EGFLAM: variants seen among roughly 807,000 people sequenced by gnomAD.
EGFLAM encodes pikachurin.
A neutral mutation model predicts 113.1 loss-of-function variants in EGFLAM; 79 were observed. The ratio of observed to expected loss-of-function variants is 0.70; its 90% CI spans 0.58 to 0.84. EGFLAM has a LOEUF of 0.84. Ranked by LOEUF, EGFLAM falls within the 40% of genes least tolerant of loss-of-function variation. EGFLAM has a pLI of 0.00. For missense variants in EGFLAM, 1,265 were observed against 1,291.6 expected (o/e 0.98, Z 0.32); for synonymous variants, 504 against 487.6 (o/e 1.03, Z -0.44).
intron 3 of EGFLAM, among the ~76,000 whole-genome samples, chr5:38,339,865 G>A (rs1421832002): frequency 1.3e-5 from 2 of 152,012 alleles, no homozygotes; most frequent in East Asian, 1.9e-4. Flanking sequence ...CTTTTGCTTC[G>A]GCACCCAGCA....
intron 5 of EGFLAM, among the ~76,000 whole-genome samples, chr5:38,359,239 A>C (rs569711460): frequency 6.6e-5 from 10 of 152,340 alleles, no homozygotes; most frequent in African/African-American, 2.4e-4. Context: ...ATCGAGTTGG[A>C]TAAACATGAA....
At chr5:38,407,515 A>T (rs1741328899) in intron 8 of EGFLAM, among the ~76,000 whole-genome samples, 1 of 152,216 alleles carries the variant, frequency 6.6e-6, no homozygotes, top group Admixed American at 6.5e-5. Context: ...TATTACACAA[A>T]GGCCTGTATA....
At chr5:38,304,019 C>G (rs990797485) in intron 1 of EGFLAM, among the ~76,000 whole-genome samples, 1 of 151,802 alleles carries the variant, frequency 6.6e-6, no homozygotes, top group East Asian at 1.9e-4. Flanking sequence ...ATCCCAGCTA[C>G]TCAGGAGGCG....
chr5:38,379,536 G>A lies in EGFLAM; in HGVS notation c.712+9074G>A, dbSNP rs762744411. Among the ~76,000 whole-genome samples the A allele has an allele frequency of 5.9e-5, 9 of 152,136 alleles. No individual in the cohort carries two copies. The East Asian group carries it at 7.7e-4, about 13-fold the overall frequency. ...TAATGAGATTCCGGGGAGGGGATCC[G>A]TTGGCAGTTGCATTCCTTTTGGAGG... On this transcript the variant is annotated intron_variant, in intron 6 of 21. Transcript: ENST00000322350.
chr5:38,326,656 C>G (rs544442650), intron 1 of EGFLAM, among the ~76,000 whole-genome samples: 1 of 151,342 alleles, frequency 6.6e-6, no homozygotes, highest in Admixed American at 6.6e-5. Flanking sequence ...CCACGCCTGG[C>G]GTTTTTTTGT....
rs967263282 is a variant in EGFLAM at position 38,363,355 on chromosome 5, G to A, written c.546-6941G>A. 2.0e-5 allele frequency among the ~76,000 whole-genome samples: 3 copies of A among 152,096 alleles called. 1 individual carries two copies. The highest frequency in any genetic ancestry group is 2.4e-5 in the African/African-American group (1 of 41,410). ...TAGATCCCCAAGGGTTTCCTGGATA[G>A]AATTCAGGAAATATAATTCAAGGGG... is the stretch of plus-strand genomic sequence containing the variant. On this transcript the variant is annotated intron_variant, in intron 5 of 21. Coordinates refer to ENST00000322350, the MANE Select transcript of EGFLAM (RefSeq NM_152403.4).
intron 17 of EGFLAM, among the ~76,000 whole-genome samples, chr5:38,445,106 G>A (rs747469060): frequency 1.6e-4 from 25 of 151,948 alleles, no homozygotes; most frequent in Non-Finnish European, 1.8e-4. Flanking sequence ...TTTATTCAGT[G>A]GTGTTATTTC....
chr5:38,327,082 G>A (rs1304124331), intron 1 of EGFLAM, among the ~76,000 whole-genome samples: 1 of 152,166 alleles, frequency 6.6e-6, no homozygotes, highest in South Asian at 2.1e-4. Context: ...ACAGGTGTGA[G>A]CCACCGCACC....
intron 17 of EGFLAM, among the ~76,000 whole-genome samples, chr5:38,441,255 C>T (rs1579936014): frequency 6.6e-6 from 1 of 152,094 alleles, no homozygotes; most frequent in East Asian, 1.9e-4. Context: ...CTTCTTACTC[C>T]CAGCTGTGAC....
intron 1 of EGFLAM, among the ~76,000 whole-genome samples, chr5:38,311,669 A>G (rs1424502797): frequency 6.6e-6 from 1 of 152,220 alleles, no homozygotes. Flanking sequence ...GGAAATAAAG[A>G]CATCTATAAA....
At chr5:38,362,188 A>G (rs1221410982) in intron 5 of EGFLAM, among the ~76,000 whole-genome samples, 3 of 152,208 alleles carry the variant, frequency 2.0e-5, no homozygotes, top group African/African-American at 4.8e-5. Flanking sequence ...TCGTTTTCTC[A>G]TCATAAAAGT....
At chr5:38,288,024 C>T (rs1263770333) in intron 1 of EGFLAM, among the ~76,000 whole-genome samples, 1 of 152,116 alleles carries the variant, frequency 6.6e-6, no homozygotes, top group Non-Finnish European at 1.5e-5. Flanking sequence ...ATAGAAATTA[C>T]TTAGTTTGTA....
At position 38,418,585 on chromosome 5, in the gene EGFLAM, TC is replaced by T. The variant is rs566938848; in HGVS notation, c.1684+331del. 6.2e-4 allele frequency among the ~76,000 whole-genome samples: 95 copies of T among 152,312 alleles called. 2 individuals are homozygous for T. In the South Asian group the frequency reaches 0.012, roughly 20 times the overall value. ...AGCGATCCAGCCCTTTTACCTTACC[TC>T]ACCCAGTCCAGTGGAAGAACCAACA... On this transcript the variant is annotated intron_variant, in intron 12 of 21. Coordinates refer to ENST00000322350, the MANE Select transcript of EGFLAM (RefSeq NM_152403.4).
intron 17 of EGFLAM, among the ~76,000 whole-genome samples, chr5:38,447,114 T>G (rs1458113459): frequency 6.6e-6 from 1 of 152,194 alleles, no homozygotes; most frequent in African/African-American, 2.4e-5. Flanking sequence ...CTGTTATTTC[T>G]CCAGCAGAAA....
At chr5:38,374,320 T>C (rs570935267) in intron 6 of EGFLAM, among the ~76,000 whole-genome samples, 5 of 152,160 alleles carry the variant, frequency 3.3e-5, no homozygotes, top group Non-Finnish European at 7.3e-5. Flanking sequence ...ATTTTATTAC[T>C]GCTCAATCAG....
intron 1 of EGFLAM, among the ~76,000 whole-genome samples, chr5:38,321,004 G>C (rs1738724651): frequency 6.6e-6 from 1 of 152,086 alleles, no homozygotes; most frequent in South Asian, 2.1e-4. Flanking sequence ...CCATGGATGA[G>C]GGTGGGAGGT....
At chr5:38,400,466 T>TA (rs1243125155) in intron 6 of EGFLAM, among the ~76,000 whole-genome samples, 2 of 152,198 alleles carry the variant, frequency 1.3e-5, no homozygotes, top group Non-Finnish European at 2.9e-5. Context: ...TTATGCACTT[T>TA]AATTACAATA....
At chr5:38,314,971 C>T (rs1738553162) in intron 1 of EGFLAM, among the ~76,000 whole-genome samples, 1 of 152,194 alleles carries the variant, frequency 6.6e-6, no homozygotes, top group African/African-American at 2.4e-5. Context: ...AAATCCTTGT[C>T]ATAAGCCACA....
At chr5:38,321,744 G>T (rs562164601) in intron 1 of EGFLAM, among the ~76,000 whole-genome samples, 1 of 152,130 alleles carries the variant, frequency 6.6e-6, no homozygotes, top group Non-Finnish European at 1.5e-5. Context: ...AGAAGAATCC[G>T]TCGTGAGATC....
Sources: gnomAD v4.1 joint callset for allele counts (sites outside exome capture counted in the v4.1 genomes callset) on GRCh38, gnomAD v4.1.1 for gene constraint, MANE v1.5 for transcripts, NCBI Gene and HGNC (gene_info 2026-07-23, HGNC 2026-07-21) for gene names.